DLG2: variants seen among roughly 807,000 people sequenced by gnomAD.
DLG2 encodes discs large MAGUK scaffold protein 2.
In DLG2, 45 loss-of-function variants were observed where a neutral mutation model predicts 132.5. The ratio of observed to expected loss-of-function variants is 0.34; its 90% CI spans 0.27 to 0.44. The LOEUF (loss-of-function observed/expected upper bound fraction) is 0.44. Ranked by LOEUF, DLG2 falls within the 20% of genes least tolerant of loss-of-function variation. DLG2 has a pLI of 1.00. For missense variants in DLG2, 1,045 were observed against 1,196.9 expected (o/e 0.87, Z 1.87); for synonymous variants, 424 against 419.6 (o/e 1.01, Z -0.13).
In DLG2 at chr11:84,254,728, T is replaced by C. The variant is rs60914256; in HGVS notation, c.520-3437A>G. On this transcript the variant is annotated intron_variant, in intron 7 of 27. Coordinates refer to ENST00000376104, the MANE Select transcript of DLG2 (RefSeq NM_001142699.3). ...AACTCTAGGATGTAGAGTCTGTGAA[T>C]GGACTCCACTTGAAGTAGAGGACAA... 8.5e-5 allele frequency among the ~76,000 whole-genome samples: 13 copies of C among 152,334 alleles called. No homozygotes were observed. In the East Asian group the frequency reaches 2.5e-3, roughly 29 times the overall value.
chr11:84,378,706 G>A (rs977553365), intron 7 of DLG2, among the ~76,000 whole-genome samples: 9 of 151,824 alleles, frequency 5.9e-5, no homozygotes, highest in Middle Eastern at 3.4e-3. Flanking sequence ...TGAGGTGGGC[G>A]GATTACGAGG....
intron 3 of DLG2, among the ~76,000 whole-genome samples, chr11:85,413,566 G>A (rs143124458): frequency 3.9e-5 from 6 of 152,060 alleles, no homozygotes; most frequent in Non-Finnish European, 8.8e-5. Context: ...AATCCATGGT[G>A]AGTTGATTTT....
At chr11:84,663,106 C>T (rs1056939465) in intron 6 of DLG2, among the ~76,000 whole-genome samples, 1 of 152,160 alleles carries the variant, frequency 6.6e-6, no homozygotes, top group South Asian at 2.1e-4. Flanking sequence ...CCATTCTTTA[C>T]CTTCTTCACC....
At chr11:83,705,755 AGATTCTC>A (rs1330485020) in intron 18 of DLG2, among the ~76,000 whole-genome samples, 9 of 152,226 alleles carry the variant, frequency 5.9e-5, no homozygotes, top group African/African-American at 2.2e-4. Context: ...AAAGATTTAC[AGATTCTC>A]TAGCAATGAA....
intron 3 of DLG2, among the ~76,000 whole-genome samples, chr11:85,546,757 G>C (rs1385715986): frequency 1.3e-5 from 1 of 78,814 alleles, no homozygotes; most frequent in Non-Finnish European, 2.4e-5. Flanking sequence ...GGCCTTCTTT[G>C]TCTCTTTTGA....
intron 8 of DLG2, among the ~76,000 whole-genome samples, chr11:84,219,261 A>T (rs187319838): frequency 1.3e-5 from 2 of 152,298 alleles, no homozygotes; most frequent in Admixed American, 1.3e-4. Context: ...TTACAACATT[A>T]AGCAGTGACA....
chr11:85,322,586 T>A (rs1415635982), intron 3 of DLG2, among the ~76,000 whole-genome samples: 1 of 152,092 alleles, frequency 6.6e-6, no homozygotes, highest in Non-Finnish European at 1.5e-5. Context: ...TAACCACATA[T>A]CCTTAAACCT....
chr11:83,998,382 G>C (rs2094161381), intron 11 of DLG2, among the ~76,000 whole-genome samples: 2 of 152,174 alleles, frequency 1.3e-5, no homozygotes, highest in South Asian at 4.1e-4. Context: ...CCACACCAAA[G>C]AACCAAAGTA....
chr11:85,067,750 G>T (rs191423121), intron 6 of DLG2, among the ~76,000 whole-genome samples: 18 of 152,086 alleles, frequency 1.2e-4, no homozygotes, highest in Admixed American at 5.2e-4. Context: ...TTTTCCTACT[G>T]AAATTATTCC....
intron 8 of DLG2, among the ~76,000 whole-genome samples, chr11:84,164,353 ATC>A (rs2095614494): frequency 6.6e-6 from 1 of 152,194 alleles, no homozygotes; most frequent in Non-Finnish European, 1.5e-5. Flanking sequence ...AAATTCTCAA[ATC>A]GGTTGTTTCT....
intron 7 of DLG2, among the ~76,000 whole-genome samples, chr11:84,460,655 A>C (rs1394326012): frequency 6.6e-6 from 1 of 150,792 alleles, no homozygotes; most frequent in African/African-American, 2.4e-5. Context: ...TCAGTCAATT[A>C]TTAAATATGA....
chr11:84,687,594 AT>A (rs1294487233), intron 6 of DLG2, among the ~76,000 whole-genome samples: 4 of 152,114 alleles, frequency 2.6e-5, no homozygotes, highest in Non-Finnish European at 5.9e-5. Flanking sequence ...AATAAACTCT[AT>A]TTCACTCTTA....
intron 3 of DLG2, among the ~76,000 whole-genome samples, chr11:85,459,744 G>C (rs1404208641): frequency 6.6e-6 from 1 of 152,186 alleles, no homozygotes; most frequent in Non-Finnish European, 1.5e-5. Context: ...TGCAATTCCA[G>C]AGGGGTTGTG....
intron 6 of DLG2, among the ~76,000 whole-genome samples, chr11:84,903,942 A>C (rs897112286): frequency 2.6e-5 from 4 of 152,166 alleles, no homozygotes; most frequent in Non-Finnish European, 4.4e-5. Flanking sequence ...CAGTTTTTTC[A>C]ATAACATGAT....
chr11:84,012,298 A>T (rs926140854), intron 11 of DLG2, among the ~76,000 whole-genome samples: 2 of 152,126 alleles, frequency 1.3e-5, no homozygotes, highest in African/African-American at 2.4e-5. Flanking sequence ...TACTATTTGT[A>T]AGACAGAAGA....
At chr11:85,403,871 A>G (rs1262988291) in intron 3 of DLG2, among the ~76,000 whole-genome samples, 2 of 152,036 alleles carry the variant, frequency 1.3e-5, no homozygotes, top group African/African-American at 4.8e-5. Flanking sequence ...GAAACAAGAC[A>G]TTGATAGTGA....
chr11:85,590,370 G>A (rs895462675), intron 3 of DLG2, among the ~76,000 whole-genome samples: 2 of 152,074 alleles, frequency 1.3e-5, no homozygotes, highest in African/African-American at 2.4e-5. Flanking sequence ...AAATACCATA[G>A]AAACATAAGG....
At chr11:84,245,868 G>A (rs936549114) in intron 8 of DLG2, among the ~76,000 whole-genome samples, 2 of 152,130 alleles carry the variant, frequency 1.3e-5, no homozygotes, top group African/African-American at 4.8e-5. Context: ...AGGCCCTGAT[G>A]TACTAGTTTA....
intron 6 of DLG2, among the ~76,000 whole-genome samples, chr11:84,791,079 A>G (rs1190263951): frequency 6.6e-6 from 1 of 152,158 alleles, no homozygotes; most frequent in Non-Finnish European, 1.5e-5. Context: ...GGCATGTCTT[A>G]TGTGGTGGCA....
Sources: allele counts gnomAD v4.1 joint callset (sites outside exome capture counted in the v4.1 genomes callset), GRCh38; gene constraint gnomAD v4.1.1; transcripts MANE v1.5; gene names NCBI Gene and HGNC (gene_info 2026-07-23, HGNC 2026-07-21).